Variants in PLOD3 observed in about 807,000 individuals in gnomAD.
PLOD3 encodes procollagen-lysine,2-oxoglutarate 5-dioxygenase 3, also known as multifunctional procollagen lysine hydroxylase and glycosyltransferase LH3.
A neutral mutation model predicts 96.9 loss-of-function variants in PLOD3; 73 were observed. The ratio of observed to expected loss-of-function variants is 0.75; its 90% CI spans 0.62 to 0.92. The LOEUF is 0.92. Ranked by LOEUF, PLOD3 falls within the 40% of genes least tolerant of loss-of-function variation. PLOD3 has a pLI of 0.00. For synonymous variants in PLOD3, 454 were observed against 413.7 expected (o/e 1.10, Z -1.18); for missense variants, 1,004 against 1,004.3 (o/e 1.00, Z 0.00).
chr7:101,214,524 C>T (rs561865282), intron 6 of PLOD3, among the ~76,000 whole-genome samples: 1 of 152,170 alleles, frequency 6.6e-6, no homozygotes, highest in African/African-American at 2.4e-5. Context: ...TAACCAGGGA[C>T]CTTCCCTTTG....
chr7:101,214,970 G>T, intron 6 of PLOD3, 119 bp downstream of exon 6: 1 of 819,586 alleles, frequency 1.2e-6, no homozygotes, highest in Admixed American at 1.7e-5. Flanking sequence ...TCAGACGCCT[G>T]ACAAAACCAC....
rs777291237 is a variant in PLOD3 at position 101,206,357 on chromosome 7, C to A, written c.2141G>T (p.Arg714Leu). The A allele has an allele frequency of 1.2e-6, 2 of 1,613,612 alleles. No homozygotes were observed. The highest frequency in any genetic ancestry group is 3.3e-5 in the Admixed American group (2 of 59,992). The change falls in exon 19 of 19, where the codon CGC (arginine) becomes CTC (leucine). Residue 714 changes from arginine (R) to leucine (L), a missense_variant. Around this residue, in one of 5 missense-constraint regions of PLOD3, gnomAD observed 222 missense variants for 220.4 expected, o/e 1.01. Transcript: ENST00000223127. Reference protein sequence around the residue: ...RKGWALLHPGRLTHYHEGLPT... With the variant: ...RKGWALLHPGLLTHYHEGLPT... ...CAGCCCCTCGTGGTAGTGGGTGAGG[C>A]GGCCGGGGTGCAGGAGTGCCCAGCC... is the stretch of plus-strand genomic sequence containing the variant.
Position 101,206,860 on chromosome 7 carries a change from C to A in PLOD3, c.1980G>T (p.Glu660Asp). The change falls in exon 18 of 19, where the codon GAG (glutamate) becomes GAT (aspartate). Residue 660 changes from glutamate (E) to aspartate (D), a missense_variant. By Grantham distance (45) the Glu-to-Asp change is conservative. Coordinates refer to ENST00000223127, the MANE Select transcript of PLOD3 (RefSeq NM_001084.5). ...MNFVVRYRPDEQPSLRPHHDS... is the reference protein window; with the variant it reads ...MNFVVRYRPDDQPSLRPHHDS... ...CGTGGTGTGGCCGCAGAGACGGCTG[C>A]TCGTCTGGCCGGTAGCGAACCACAA... 6.4e-7 allele frequency: 1 copy of A among 1,563,306 alleles called. No individual in the cohort carries two copies. Among genetic ancestry groups the A allele is most frequent in the Non-Finnish European group, 8.7e-7 (1 of 1,153,414 alleles).
intron 16 of PLOD3, among the ~76,000 whole-genome samples, chr7:101,208,194 C>T (rs1285976298): frequency 3.3e-5 from 5 of 152,132 alleles, no homozygotes; most frequent in Non-Finnish European, 7.4e-5. Context: ...AACTCTGGGG[C>T]TCAAGTGATC....
In PLOD3 at chr7:101,216,742, AC is replaced by A. The variant is rs748362022; in HGVS notation, c.153del (p.Tyr52ThrfsTer42). Reference protein sequence around the residue: ...VITVATAETEGYLRFLRSAEF... With the variant: ...VITVATAETEXYLRFLRSAEF... ...TCCGCAGAGCGCAGGAAACGCAGGT[AC>A]CCCTCGGTTTCAGCTGTGGCCACAG... On this transcript the variant is annotated frameshift_variant, in exon 2 of 19. Coordinates refer to ENST00000223127, the MANE Select transcript of PLOD3 (RefSeq NM_001084.5). LOFTEE classifies it high-confidence loss of function. The A allele has an allele frequency of 6.2e-7, 1 of 1,613,778 alleles. No individual in the cohort carries two copies. The highest frequency in any genetic ancestry group is 1.7e-5 in the Admixed American group (1 of 59,992).
intron 10 of PLOD3, 42 bp from the exon 11 acceptor site, chr7:101,211,992 G>T: frequency 7.2e-7 from 1 of 1,394,326 alleles, no homozygotes; most frequent in Non-Finnish European, 1.0e-6. Flanking sequence ...AGGTGGGGAG[G>T]CGGTGTGGAT....
Position 101,217,486 on chromosome 7 carries a change from T to C in PLOD3, c.-212A>G, listed in dbSNP as rs1368675195. 4 of 511,068 alleles carry C rather than the reference T, an allele frequency of 7.8e-6. No homozygotes were observed. The highest frequency in any genetic ancestry group is 4.1e-5 in the African/African-American group (2 of 49,116). 31.7% of individuals were successfully genotyped at this position (511,068 alleles called of 1,614,324 possible). A position where few individuals can be genotyped will look rare whatever the true frequency, so the allele number is the denominator to read the frequency against. On this transcript the variant is annotated 5_prime_UTR_variant, in exon 1 of 19. Transcript: ENST00000223127. ...GCCGGCGCCACAGACAAGGCGAGGA[T>C]TGTCCCGGGCGCACGGGAGGCGGGG...
rs142888598 is a variant in PLOD3, at chr7:101,210,392, G to T, written c.1553C>A (p.Thr518Asn). The change falls in exon 14 of 19, where the codon ACT (threonine) becomes AAT (asparagine). Residue 518 changes from threonine (T) to asparagine (N), a missense_variant. Physicochemically the swap from Thr to Asn is moderately conservative, Grantham distance 65. This residue lies in a region of PLOD3 where 65 missense variants were observed against 68.8 expected (regional missense o/e 0.94). Transcript: ENST00000223127. Reference sequence around the variant, plus strand: ...CAGGTGCTCCGTGTCGTATCTGGAAGTGGCCAGGAGCCGGCCAAATTCATG... The same window carrying T: ...CAGGTGCTCCGTGTCGTATCTGGAATTGGCCAGGAGCCGGCCAAATTCATG... ...NQHEFGRLLA[T>N]SRYDTEHLHP... The T allele has an allele frequency of 6.2e-7, 1 of 1,614,206 alleles. No individual in the cohort carries two copies. Among genetic ancestry groups the T allele is most frequent in the Non-Finnish European group, 8.5e-7 (1 of 1,180,036 alleles).
Position 101,206,533 on chromosome 7 carries a change from G to C in PLOD3, c.2062-97C>G. On this transcript the variant is annotated intron_variant, in intron 18 of 18. Transcript: ENST00000223127. ...CAGGGCGGCCAGACCGGGGGGCACG[G>C]TGCAGCAGACCGGGGTGACAAGGGA... The C allele has an allele frequency of 4.2e-6, 5 of 1,177,012 alleles. No individual in the cohort carries two copies. The South Asian group carries it at 6.5e-5, about 15-fold the overall frequency. 72.9% of individuals were successfully genotyped at this position (1,177,012 alleles called of 1,614,324 possible).
In PLOD3 at chr7:101,216,188, C is replaced by A. The variant is rs201433094; in HGVS notation, c.477G>T (p.Thr159=). ...CACCAGAATTGAGGAAGCGCTTCCC[C>A]GTGCCCACCTCAGGGTACTGCTCCG... ...GLAEQYPEVG[T]GKRFLNSGGF... is the part of the protein sequence containing the mutation. The change falls in exon 4 of 19, where the codon ACG becomes ACT. Residue 159 remains threonine, a synonymous_variant. Coordinates refer to ENST00000223127, the MANE Select transcript of PLOD3 (RefSeq NM_001084.5). The A allele has an allele frequency of 1.2e-6, 2 of 1,614,050 alleles. No individual in the cohort carries two copies. The highest frequency in any genetic ancestry group is 1.7e-6 in the Non-Finnish European group (2 of 1,180,020).
chr7:101,208,387 G>A (rs1394117650), intron 16 of PLOD3, among the ~76,000 whole-genome samples: 15 of 151,764 alleles, frequency 9.9e-5, no homozygotes, highest in Admixed American at 9.8e-4. Context: ...GACTACAGGC[G>A]CCCGCCACCA....
rs1459843673 is a variant in PLOD3, at chr7:101,212,659, G to C, written c.880-4C>G. 6.2e-7 allele frequency: 1 copy of C among 1,613,690 alleles called. No homozygotes were observed. On this transcript the variant is annotated splice_region_variant and splice_polypyrimidine_tract_variant and intron_variant, in intron 8 of 18. Transcript: ENST00000223127. ...CCAGAAACACCCGGGGGGGAGGCTG[G>C]AAGATGCAACACGCAGGGACTCAGA... is the stretch of plus-strand genomic sequence containing the variant.
At chr7:101,212,140 G>A in intron 10 of PLOD3, 113 bp downstream of exon 10, 1 of 1,395,694 alleles carries the variant, frequency 7.2e-7, no homozygotes, top group South Asian at 1.2e-5. Flanking sequence ...GAATGGGGAG[G>A]CCCAGGAGGG....
chr7:101,209,092 G>A, intron 15 of PLOD3, 135 bp from the exon 16 acceptor site: 1 of 708,734 alleles, frequency 1.4e-6, no homozygotes, highest in South Asian at 1.5e-5. Context: ...CCGCCAGGTA[G>A]GGGCTGAGGG....
rs188562747 is a variant in PLOD3, at chr7:101,215,883, G to A, written c.615+25C>T. Reference sequence around the variant, plus strand: ...CTCCACTCCCACAGAGCTGCGGGATGCGCCCACTCCTCTGCCTTCCCTACC... The same window carrying A: ...CTCCACTCCCACAGAGCTGCGGGATACGCCCACTCCTCTGCCTTCCCTACC... On this transcript the variant is annotated intron_variant, in intron 5 of 18. Coordinates refer to ENST00000223127, the MANE Select transcript of PLOD3 (RefSeq NM_001084.5). 18 of 1,470,642 alleles carry A rather than the reference G, an allele frequency of 1.2e-5. No individual in the cohort carries two copies. The East Asian group carries it at 4.1e-4, about 33-fold the overall frequency. 91.1% of individuals were successfully genotyped at this position (1,470,642 alleles called of 1,614,324 possible). A position where few individuals can be genotyped will look rare whatever the true frequency, so the allele number is the denominator to read the frequency against.
Position 101,213,275 on chromosome 7 carries a change from T to G in PLOD3, c.680-71A>C, listed in dbSNP as rs181810618. The G allele has an allele frequency of 8.1e-6, 8 of 993,096 alleles. No homozygotes were observed. The African/African-American group carries it at 1.1e-4, about 14-fold the overall frequency. 61.5% of individuals were successfully genotyped at this position (993,096 alleles called of 1,614,324 possible). A position where few individuals can be genotyped will look rare whatever the true frequency, so the allele number is the denominator to read the frequency against. Reference sequence around the variant, plus strand: ...CTACCAAGCAACACATTCTTCTAAATATGGGGTCCCAAATTCTCCAGGGAA... The same window carrying G: ...CTACCAAGCAACACATTCTTCTAAAGATGGGGTCCCAAATTCTCCAGGGAA... On this transcript the variant is annotated intron_variant, in intron 6 of 18. Transcript: ENST00000223127.
At position 101,212,849 on chromosome 7, in the gene PLOD3, C is replaced by A. The variant is rs200279103; in HGVS notation, c.872G>T (p.Gly291Val). Residue 291 changes from glycine (G) to valine (V), a missense_variant, in exon 8 of 19, where the codon GGG (glycine) becomes GTG (valine). Coordinates refer to ENST00000223127, the MANE Select transcript of PLOD3 (RefSeq NM_001084.5). ...CTGGCACCCCCACCTCACCTGCCCC[C>A]CCGGGAGTGTCCTCCGGTCCTGGTT... ...FCNQDRRTLP[G>V]GQPPPRVFLA... 4.2e-5 allele frequency: 68 copies of A among 1,611,860 alleles called. No individual in the cohort carries two copies. The highest frequency in any genetic ancestry group is 5.3e-5 in the Non-Finnish European group (62 of 1,178,432).
At chr7:101,207,869 T>G in intron 16 of PLOD3, 145 bp from the exon 17 acceptor site, 1 of 849,766 alleles carries the variant, frequency 1.2e-6, no homozygotes, top group Non-Finnish European at 1.8e-6. Flanking sequence ...CTTCTCGGCC[T>G]GACTCACTGC....
intron 6 of PLOD3, chr7:101,213,502 CCTT>C (rs1247759746): frequency 2.7e-5 from 11 of 401,578 alleles, no homozygotes; most frequent in East Asian, 4.8e-5. Flanking sequence ...TTCTCTCTCT[CCTT>C]GTTTTTTTTT....
Sources: allele counts gnomAD v4.1 joint callset (sites outside exome capture counted in the v4.1 genomes callset), GRCh38; gene constraint gnomAD v4.1.1; regional missense constraint gnomAD v4.1.1; transcripts MANE v1.5; gene names NCBI Gene and HGNC (gene_info 2026-07-23, HGNC 2026-07-21).